Variants in CACNA2D3 observed in about 807,000 individuals in gnomAD.
CACNA2D3 encodes calcium voltage-gated channel auxiliary subunit alpha2delta 3, also known as voltage-dependent calcium channel subunit alpha-2/delta-3.
Under a neutral mutation model 160.6 loss-of-function variants are expected in CACNA2D3, and 60 were observed. The observed-to-expected ratio is 0.37, with a 90% confidence interval of 0.30 to 0.46. The LOEUF (loss-of-function observed/expected upper bound fraction) is 0.46, where lower values mean the gene tolerates loss of function less well. Ranked by LOEUF, CACNA2D3 falls within the 20% of genes least tolerant of loss-of-function variation. The pLI is 1.00. For synonymous variants in CACNA2D3, 558 were observed against 492.9 expected (o/e 1.13, Z -1.75); for missense variants, 1,205 against 1,365.0 (o/e 0.88, Z 1.85).
chr3:54,801,199 G>T (rs1054557068), intron 13 of CACNA2D3, among the ~76,000 whole-genome samples: 1 of 152,008 alleles, frequency 6.6e-6, no homozygotes, highest in African/African-American at 2.4e-5. Flanking sequence ...TGTTGGCCAG[G>T]CTGGTGTCAA....
intron 3 of CACNA2D3, among the ~76,000 whole-genome samples, chr3:54,328,710 A>G (rs1704174743): frequency 6.6e-6 from 1 of 152,154 alleles, no homozygotes; most frequent in South Asian, 2.1e-4. Flanking sequence ...CAAAACAGAG[A>G]GATGGCCCAG....
intron 4 of CACNA2D3, among the ~76,000 whole-genome samples, chr3:54,440,874 T>A (rs1173098599): frequency 6.6e-6 from 1 of 152,172 alleles, no homozygotes; most frequent in Non-Finnish European, 1.5e-5. Context: ...ATTTTCTTAA[T>A]CCAGTCTATC....
At chr3:54,856,822 C>G (rs1699182345) in intron 17 of CACNA2D3, among the ~76,000 whole-genome samples, 1 of 152,024 alleles carries the variant, frequency 6.6e-6, no homozygotes, top group Admixed American at 6.6e-5. Context: ...ACTTTGTTGC[C>G]CAGGCTGGAG....
At chr3:54,124,830 T>C (rs558697438) in intron 2 of CACNA2D3, among the ~76,000 whole-genome samples, 116 of 152,336 alleles carry the variant, frequency 7.6e-4, no homozygotes, top group African/African-American at 2.6e-3. Context: ...TCTTGAATTA[T>C]AGGCAGTTGG....
chr3:54,170,470 C>T (rs1700542031), intron 2 of CACNA2D3, among the ~76,000 whole-genome samples: 2 of 152,134 alleles, frequency 1.3e-5, no homozygotes, highest in Admixed American at 6.5e-5. Context: ...GTCTTAATGG[C>T]CAGATTTAGG....
intron 5 of CACNA2D3, among the ~76,000 whole-genome samples, chr3:54,503,964 T>C (rs1000999458): frequency 1.3e-5 from 2 of 152,174 alleles, no homozygotes; most frequent in Non-Finnish European, 2.9e-5. Context: ...GAGTCTCTGT[T>C]GCAACTACTC....
chr3:54,993,988 G>A (rs958347607), intron 31 of CACNA2D3, among the ~76,000 whole-genome samples: 2 of 149,802 alleles, frequency 1.3e-5, no homozygotes, highest in Admixed American at 6.7e-5. Flanking sequence ...GGTGCAACAC[G>A]CTTGAGCTTT....
chr3:54,428,957 G>C (rs1426846911), intron 4 of CACNA2D3, among the ~76,000 whole-genome samples: 1 of 152,194 alleles, frequency 6.6e-6, no homozygotes, highest in Non-Finnish European at 1.5e-5. Flanking sequence ...GACACTAGTA[G>C]AGATCAGATG....
intron 4 of CACNA2D3, among the ~76,000 whole-genome samples, chr3:54,502,987 A>G (rs1014457638): frequency 2.0e-5 from 3 of 152,040 alleles, no homozygotes; most frequent in African/African-American, 4.8e-5. Context: ...TTTAATCTCT[A>G]TTTGAGTGTT....
chr3:54,535,364 T>C (rs932371084), intron 5 of CACNA2D3, among the ~76,000 whole-genome samples: 4 of 152,250 alleles, frequency 2.6e-5, no homozygotes, highest in African/African-American at 9.6e-5. Context: ...AATATTTAAA[T>C]GAATAAGCAA....
At chr3:54,738,184 C>T (rs374938934) in intron 11 of CACNA2D3, among the ~76,000 whole-genome samples, 4 of 152,166 alleles carry the variant, frequency 2.6e-5, no homozygotes, top group South Asian at 2.1e-4. Context: ...TCACTAGGAC[C>T]ATTTTTAATA....
intron 2 of CACNA2D3, among the ~76,000 whole-genome samples, chr3:54,305,777 T>G (rs542561954): frequency 6.6e-6 from 1 of 152,328 alleles, no homozygotes; most frequent in African/African-American, 2.4e-5. Flanking sequence ...ATGACATCTT[T>G]TACTTTCACT....
chr3:54,158,515 T>C (rs1700283425), intron 2 of CACNA2D3, among the ~76,000 whole-genome samples: 1 of 152,210 alleles, frequency 6.6e-6, no homozygotes. Flanking sequence ...TTTTCCATTT[T>C]ACATAAAATC....
chr3:54,206,181 G>T, intron 2 of CACNA2D3, among the ~76,000 whole-genome samples: 1 of 152,064 alleles, frequency 6.6e-6, no homozygotes, highest in East Asian at 1.9e-4. Flanking sequence ...TTCTCTTTTC[G>T]CATTTCTAGA....
At chr3:54,329,316 T>C (rs1704192837) in intron 3 of CACNA2D3, among the ~76,000 whole-genome samples, 1 of 152,196 alleles carries the variant, frequency 6.6e-6, no homozygotes. Context: ...GCTCAGTAAA[T>C]GTTTGTGGAT....
chr3:54,230,740 A>G (rs1366634241), intron 2 of CACNA2D3, among the ~76,000 whole-genome samples: 1 of 152,212 alleles, frequency 6.6e-6, no homozygotes, highest in African/African-American at 2.4e-5. Context: ...CAAGGAATCT[A>G]GATATGACGT....
chr3:54,512,251 G>A (rs1054407035), intron 5 of CACNA2D3, among the ~76,000 whole-genome samples: 1 of 152,118 alleles, frequency 6.6e-6, no homozygotes, highest in African/African-American at 2.4e-5. Flanking sequence ...TATCCTTGCT[G>A]CCTCCATGTT....
At chr3:54,751,824 T>C (rs1701862882) in intron 11 of CACNA2D3, among the ~76,000 whole-genome samples, 1 of 152,250 alleles carries the variant, frequency 6.6e-6, no homozygotes, top group South Asian at 2.1e-4. Flanking sequence ...TTGTTTGGAC[T>C]GTGTGGCATT....
intron 30 of CACNA2D3, among the ~76,000 whole-genome samples, 183 bp from the exon 31 acceptor site, chr3:54,987,500 G>A (rs1199637396): frequency 1.3e-5 from 2 of 152,144 alleles, no homozygotes; most frequent in African/African-American, 2.4e-5. Context: ...ATTCACATCT[G>A]CTCTCTAGTT....
Sources: gnomAD v4.1 joint callset for allele counts (sites outside exome capture counted in the v4.1 genomes callset) on GRCh38, gnomAD v4.1.1 for gene constraint, MANE v1.5 for transcripts, NCBI Gene and HGNC (gene_info 2026-07-23, HGNC 2026-07-21) for gene names.